The following TBL1XR1 variants were observed in gnomAD, a reference collection of about 807,000 sequenced individuals.
TBL1XR1 encodes the protein TBL1X/Y related 1, also known as F-box-like/WD repeat-containing protein TBL1XR1.
In TBL1XR1, 5 loss-of-function variants were observed where a neutral mutation model predicts 66.9. The observed-to-expected ratio is 0.07, with a 90% CI of 0.04 to 0.16. The LOEUF (loss-of-function observed/expected upper bound fraction) is 0.16, where lower values mean the gene tolerates loss of function less well. Ranked by LOEUF, TBL1XR1 falls within the 10% of genes least tolerant of loss-of-function variation. The probability of loss-of-function intolerance (pLI) is 1.00; values close to 1 mark genes in which losing one functional copy is unlikely to be tolerated. For synonymous variants in TBL1XR1, 210 were observed against 206.0 expected (o/e 1.02, Z -0.17); for missense variants, 238 against 623.2 (o/e 0.38, Z 6.58).
chr3:177,147,331 G>C (rs961523855), intron 1 of TBL1XR1, among the ~76,000 whole-genome samples: 3 of 152,156 alleles, frequency 2.0e-5, no homozygotes, highest in Admixed American at 6.5e-5. Flanking sequence ...TTACAGGGAT[G>C]AGCCACGATG....
chr3:177,119,261 C>T (rs973984212), intron 1 of TBL1XR1, among the ~76,000 whole-genome samples: 3 of 152,208 alleles, frequency 2.0e-5, no homozygotes, highest in Admixed American at 6.5e-5. Context: ...GCGTGAGCCA[C>T]CGCACCTGGC....
At chr3:177,084,084 T>A in intron 2 of TBL1XR1, among the ~76,000 whole-genome samples, 1 of 109,206 alleles carries the variant, frequency 9.2e-6, no homozygotes, top group Non-Finnish European at 1.8e-5. Flanking sequence ...CGAGACTCCG[T>A]CTCAAAAAAA....
chr3:177,073,369 A>G (rs1720284838), intron 2 of TBL1XR1, among the ~76,000 whole-genome samples: 2 of 152,208 alleles, frequency 1.3e-5, no homozygotes, highest in African/African-American at 4.8e-5. Context: ...TGTTGTGTTC[A>G]TGTTGGAATA....
chr3:177,058,387 C>G (rs1031984327), intron 3 of TBL1XR1, among the ~76,000 whole-genome samples: 1 of 152,194 alleles, frequency 6.6e-6, no homozygotes, highest in African/African-American at 2.4e-5. Flanking sequence ...TACTGATACA[C>G]TAGCTATAAA....
intron 1 of TBL1XR1, among the ~76,000 whole-genome samples, chr3:177,178,024 CAT>C (rs927456007): frequency 2.0e-5 from 3 of 152,220 alleles, no homozygotes; most frequent in South Asian, 2.1e-4. Flanking sequence ...GAGGGAATGA[CAT>C]AAAAGAATCA....
chr3:177,037,807 T>TC (rs1715025222), intron 12 of TBL1XR1: 2 of 251,878 alleles, frequency 7.9e-6, no homozygotes, highest in Non-Finnish European at 1.5e-5. Context: ...CATCCATCCA[T>TC]CTTCTTATTG....
intron 1 of TBL1XR1, among the ~76,000 whole-genome samples, chr3:177,136,691 C>T (rs928258597): frequency 1.3e-5 from 2 of 152,178 alleles, no homozygotes; most frequent in African/African-American, 4.8e-5. Context: ...AAAGGCGTCA[C>T]ATGAAAAGGC....
chr3:177,188,790 T>G (rs1337137208), intron 1 of TBL1XR1, among the ~76,000 whole-genome samples: 1 of 152,258 alleles, frequency 6.6e-6, no homozygotes, highest in Non-Finnish European at 1.5e-5. Context: ...CCTTTCAGCA[T>G]GATCCTTACA....
chr3:177,113,285 G>A (rs1158575666), intron 1 of TBL1XR1, among the ~76,000 whole-genome samples: 1 of 152,032 alleles, frequency 6.6e-6, no homozygotes, highest in Non-Finnish European at 1.5e-5. Flanking sequence ...AAACTCAAGA[G>A]GAACACTTCC....
At chr3:177,027,686 T>C (rs1713342630) in intron 14 of TBL1XR1, 1 of 152,206 alleles carries the variant, frequency 6.6e-6, no homozygotes, top group South Asian at 2.1e-4. Context: ...GATGACAAGC[T>C]GGAAGAATGT....
At chr3:177,162,332 G>A (rs1478907001) in intron 1 of TBL1XR1, among the ~76,000 whole-genome samples, 1 of 152,204 alleles carries the variant, frequency 6.6e-6, no homozygotes, top group African/African-American at 2.4e-5. Context: ...GTTACCTTTG[G>A]TGGGCAAGAT....
At chr3:177,178,891 G>C (rs1486678136) in intron 1 of TBL1XR1, among the ~76,000 whole-genome samples, 1 of 152,098 alleles carries the variant, frequency 6.6e-6, no homozygotes, top group Non-Finnish European at 1.5e-5. Context: ...GCCGAGGCTG[G>C]TGGATCACCT....
chr3:177,139,534 C>CG (rs5854742), intron 1 of TBL1XR1, among the ~76,000 whole-genome samples: 5 of 148,958 alleles, frequency 3.4e-5, no homozygotes, highest in African/African-American at 4.9e-5. Context: ...GACTCCATCT[C>CG]GGGGGGAAAA....
intron 1 of TBL1XR1, among the ~76,000 whole-genome samples, chr3:177,128,044 C>A (rs976983875): frequency 6.6e-6 from 1 of 151,924 alleles, no homozygotes; most frequent in African/African-American, 2.4e-5. Flanking sequence ...CATGGTGAAA[C>A]CCCCATCTCT....
chr3:177,029,875 T>C (rs1005127382), intron 14 of TBL1XR1, among the ~76,000 whole-genome samples: 15 of 152,254 alleles, frequency 9.9e-5, no homozygotes, highest in Admixed American at 5.9e-4. Flanking sequence ...TTTAAACTAA[T>C]TGACAATCAA....
chr3:177,153,102 T>C lies in TBL1XR1; in HGVS notation c.-122+44019A>G, dbSNP rs150676581. Among the ~76,000 whole-genome samples the C allele has an allele frequency of 5.3e-3, 802 of 152,216 alleles. 8 individuals carry two copies. Among genetic ancestry groups the C allele is most frequent in the African/African-American group, 0.018 (756 of 41,524 alleles). On this transcript the variant is annotated intron_variant, in intron 1 of 15. Coordinates refer to ENST00000457928, the MANE Select transcript of TBL1XR1 (RefSeq NM_024665.7). Reference sequence around the variant, plus strand: ...GTGAGCCAAAATTGCACCACTGCACTCTAGCCTGGGCAACAGAGTGAAATA... The same window carrying C: ...GTGAGCCAAAATTGCACCACTGCACCCTAGCCTGGGCAACAGAGTGAAATA...
intron 1 of TBL1XR1, chr3:177,160,928 G>A (rs1385476556): frequency 6.6e-6 from 1 of 151,632 alleles, no homozygotes; most frequent in Non-Finnish European, 1.5e-5. Flanking sequence ...CCCAGAGGAC[G>A]GAGGTTGTAG....
At chr3:177,136,125 T>A (rs1881976) in intron 1 of TBL1XR1, 11 of 151,798 alleles carry the variant, frequency 7.2e-5, no homozygotes, top group African/African-American at 2.4e-4. Context: ...TTTAATGAAT[T>A]TAATACGAGT....
intron 1 of TBL1XR1, among the ~76,000 whole-genome samples, chr3:177,162,448 T>A (rs1467205136): frequency 6.6e-6 from 1 of 152,138 alleles, no homozygotes; most frequent in African/African-American, 2.4e-5. Flanking sequence ...GTTTTAATTT[T>A]AAAAAATCAT....
Sources: allele counts gnomAD v4.1 joint callset (sites outside exome capture counted in the v4.1 genomes callset), GRCh38; gene constraint gnomAD v4.1.1; transcripts MANE v1.5; gene names NCBI Gene and HGNC (gene_info 2026-07-23, HGNC 2026-07-21).